IQCE: variants seen among roughly 807,000 people sequenced by gnomAD.
IQCE encodes the protein IQ domain-containing protein E.
In IQCE, 115 loss-of-function variants were observed where a neutral mutation model predicts 96.0. The observed-to-expected ratio is 1.20, with a 90% CI of 1.03 to 1.40. The LOEUF (loss-of-function observed/expected upper bound fraction) is 1.40, where lower values mean the gene tolerates loss of function less well. Ranked by LOEUF, IQCE falls within the 40% of genes most tolerant of loss-of-function variation. The pLI, the probability that IQCE is intolerant of heterozygous loss-of-function variation, is 0.00. For synonymous variants in IQCE, 412 were observed against 371.2 expected, an observed-to-expected ratio of 1.11 and a Z score of -1.26; for missense variants, 1,041 against 909.1, an observed-to-expected ratio of 1.15 and a Z score of -1.87.
intron 1 of IQCE, among the ~76,000 whole-genome samples, chr7:2,563,327 G>C (rs967614338): frequency 6.6e-6 from 1 of 151,634 alleles, no homozygotes; most frequent in Middle Eastern, 3.2e-3. Flanking sequence ...CTCCTGTGTA[G>C]TTGGGACCAC....
chr7:2,567,603 G>A (rs966784392), intron 2 of IQCE, among the ~76,000 whole-genome samples: 1 of 152,262 alleles, frequency 6.6e-6, no homozygotes, highest in Non-Finnish European at 1.5e-5. Context: ...GTGTCCGATG[G>A]CCCAGTGGCA....
chr7:2,573,797 T>C (rs1781929330), intron 6 of IQCE, among the ~76,000 whole-genome samples: 1 of 152,224 alleles, frequency 6.6e-6, no homozygotes, highest in African/African-American at 2.4e-5. Flanking sequence ...GATTGGGTAC[T>C]GTGATAAGGT....
At chr7:2,600,822 C>T (rs778353263) in intron 17 of IQCE, among the ~76,000 whole-genome samples, 7 of 152,204 alleles carry the variant, frequency 4.6e-5, no homozygotes, top group Non-Finnish European at 1.0e-4. Flanking sequence ...AACTTGGCAT[C>T]AACATCTGGG....
chr7:2,607,341 T>C lies in IQCE; in HGVS notation c.1969+114T>C, dbSNP rs1562687333. 5 of 1,482,004 alleles carry C rather than the reference T, an allele frequency of 3.4e-6. No individual in the cohort carries two copies. The East Asian group carries it at 1.3e-4, about 38-fold the overall frequency. The allele number at this position is 1,482,004 out of a possible 1,614,324, so 91.8% of individuals were successfully genotyped here. A position where few individuals can be genotyped will look rare whatever the true frequency, so the allele number is the denominator to read the frequency against. On this transcript the variant is annotated intron_variant, in intron 21 of 21. Transcript: ENST00000402050. ...TGTGTCGGGACGGAAGGGAGGAGTG[T>C]CCCATCTGGAGCTGCCTCTGAACTA...
chr7:2,596,161 C>T (rs566910260), intron 16 of IQCE, among the ~76,000 whole-genome samples: 6 of 152,206 alleles, frequency 3.9e-5, no homozygotes, highest in African/African-American at 9.6e-5. Context: ...CGGGAGGCAG[C>T]GGTGGGAAGA....
chr7:2,574,458 C>T (rs1277711557), intron 6 of IQCE, among the ~76,000 whole-genome samples: 12 of 152,206 alleles, frequency 7.9e-5, no homozygotes, highest in African/African-American at 1.4e-4. Flanking sequence ...GCTCTAACCA[C>T]GAGAGCTGTC....
rs964764353 is a variant in IQCE at position 2,559,319 on chromosome 7, G to T, written c.36+102G>T. The T allele has an allele frequency of 8.7e-5, 51 of 587,458 alleles. No homozygotes were observed. In the African/African-American group the frequency reaches 9.7e-4, roughly 11 times the overall value. 36.4% of individuals were successfully genotyped at this position (587,458 alleles called of 1,614,324 possible). Reference sequence around the variant, plus strand: ...GGCCCCGCGCAGGGGCCGGCCCGGGGCGTGAGGACGGGGCGCACGGCCGGG... The same window carrying T: ...GGCCCCGCGCAGGGGCCGGCCCGGGTCGTGAGGACGGGGCGCACGGCCGGG... On this transcript the variant is annotated intron_variant, in intron 1 of 21. Transcript: ENST00000402050.
chr7:2,609,897 G>T lies in IQCE; in HGVS notation c.1970-147G>T. The stretch of plus-strand genomic sequence containing the variant: ...TCTGGCAGGTGTGTGAGTTGCTCCT[G>T]AGGGCCTGTGTGCCCCATGGCTTAC... On this transcript the variant is annotated intron_variant, in intron 21 of 21. Transcript: ENST00000402050. The T allele has an allele frequency of 4.9e-6, 3 of 612,654 alleles. No homozygotes were observed. In the South Asian group the frequency reaches 5.8e-5, roughly 12 times the overall value. The allele number at this position is 612,654 out of a possible 1,614,324, so 38.0% of individuals were successfully genotyped here.
chr7:2,606,671 C>T (rs538799656), intron 20 of IQCE, among the ~76,000 whole-genome samples: 5 of 152,114 alleles, frequency 3.3e-5, no homozygotes, highest in South Asian at 2.1e-4. Flanking sequence ...CCTCCAAGGC[C>T]GCATCTGCAT....
intron 1 of IQCE, among the ~76,000 whole-genome samples, chr7:2,563,488 G>A (rs983596129): frequency 1.3e-5 from 2 of 151,980 alleles, no homozygotes; most frequent in African/African-American, 4.8e-5. Flanking sequence ...GATTACAGGT[G>A]TGAGCCACCA....
rs1303435944 is a variant in IQCE, at chr7:2,596,519, G to C, written c.1440+1543G>C. On this transcript the variant is annotated intron_variant, in intron 16 of 21. Transcript: ENST00000402050. ...ATTTCTATTTTAGAGAAAAGGAAGA[G>C]TGGGATTAATTGAGTGATCAGCTCT... Among the ~76,000 whole-genome samples the C allele has an allele frequency of 1.3e-5, 2 of 152,006 alleles. 1 individual carries two copies. Among genetic ancestry groups the C allele is most frequent in the Admixed American group, 1.3e-4 (2 of 15,264 alleles).
In IQCE at chr7:2,568,949, T is replaced by C. The variant is rs775609832; in HGVS notation, c.85-5T>C. 1.9e-5 allele frequency: 31 copies of C among 1,612,506 alleles called. No individual in the cohort carries two copies. The highest frequency in any genetic ancestry group is 2.6e-5 in the Non-Finnish European group (31 of 1,179,872). On this transcript the variant is annotated splice_region_variant and splice_polypyrimidine_tract_variant and intron_variant, in intron 2 of 21. Coordinates refer to ENST00000402050, the MANE Select transcript of IQCE (RefSeq NM_152558.5). Reference sequence around the variant, plus strand: ...AAGCCTTATGCCATTTCTTCTTTCTTTCAGAAAGCAAAAAGGAAAGCTTTC... The same window carrying C: ...AAGCCTTATGCCATTTCTTCTTTCTCTCAGAAAGCAAAAAGGAAAGCTTTC...
Position 2,578,231 on chromosome 7 carries a change from G to C in IQCE, c.466-11G>C, listed in dbSNP as rs752514546. 1.2e-4 allele frequency: 191 copies of C among 1,606,548 alleles called. No individual in the cohort carries two copies. Among genetic ancestry groups the C allele is most frequent in the African/African-American group, 9.6e-4 (72 of 74,770 alleles). Reference sequence around the variant, plus strand: ...GTGTGGATGGCTGTGCATGGCCCTTGTTTTCTTCAGTCATTGCACGTGCAG... The same window carrying C: ...GTGTGGATGGCTGTGCATGGCCCTTCTTTTCTTCAGTCATTGCACGTGCAG... On this transcript the variant is annotated splice_polypyrimidine_tract_variant and intron_variant, in intron 6 of 21. Coordinates refer to ENST00000402050, the MANE Select transcript of IQCE (RefSeq NM_152558.5).
chr7:2,571,587 G>A lies in IQCE; in HGVS notation c.192G>A (p.Gly64=). ...CCTGGAGGTCCCTCAGGACGGCAGGGAGCATGCCTCTGGGCGGCCGAGCGT... is the reference window on the plus strand; with the variant it reads ...CCTGGAGGTCCCTCAGGACGGCAGGAAGCATGCCTCTGGGCGGCCGAGCGT... The part of the protein sequence containing the change: ...VASWRSLRTA[G]SMPLGGRASL... Residue 64 remains glycine (G), a synonymous_variant, in exon 4 of 22, where the codon GGG becomes GGA. Transcript: ENST00000402050. The A allele has an allele frequency of 6.2e-7, 1 of 1,603,922 alleles. No individual in the cohort carries two copies. Among genetic ancestry groups the A allele is most frequent in the Non-Finnish European group, 8.5e-7 (1 of 1,179,950 alleles).
At position 2,607,196 on chromosome 7, in the gene IQCE, C is replaced by G; in HGVS notation, c.1938C>G (p.Ala646=). The G allele has an allele frequency of 6.2e-7, 1 of 1,613,748 alleles. No homozygotes were observed. Among genetic ancestry groups the G allele is most frequent in the Non-Finnish European group, 8.5e-7 (1 of 1,179,798 alleles). The change falls in exon 21 of 22, where the codon GCC becomes GCG. Residue 646 remains alanine, a synonymous_variant. Coordinates refer to ENST00000402050, the MANE Select transcript of IQCE (RefSeq NM_152558.5). ...RRSASATHGD[A]SSPPFLAALP... is the part of the protein sequence containing the mutation. ...CGGCTTCAGCCACACACGGGGACGC[C>G]TCCTCCCCACCCTTCCTCGCAGCTC...
At chr7:2,560,720 G>C (rs1337902495) in intron 1 of IQCE, among the ~76,000 whole-genome samples, 1 of 152,026 alleles carries the variant, frequency 6.6e-6, no homozygotes, top group Non-Finnish European at 1.5e-5. Flanking sequence ...CACTTTGGGA[G>C]GCTGAGGTGG....
intron 6 of IQCE, among the ~76,000 whole-genome samples, chr7:2,574,540 G>A (rs1484883347): frequency 6.6e-6 from 1 of 152,244 alleles, no homozygotes; most frequent in Non-Finnish European, 1.5e-5. Context: ...GGTGGCAGCT[G>A]TGTGTCGGGG....
chr7:2,595,941 C>T (rs1784005076), intron 16 of IQCE, among the ~76,000 whole-genome samples: 1 of 152,078 alleles, frequency 6.6e-6, no homozygotes, highest in Admixed American at 6.6e-5. Context: ...ATGGCCGGCG[C>T]TGCCTGCACT....
chr7:2,595,172 A>G (rs559903967), intron 16 of IQCE, among the ~76,000 whole-genome samples, 196 bp downstream of exon 16: 125 of 152,344 alleles, frequency 8.2e-4, no homozygotes, highest in Non-Finnish European at 1.3e-3. Flanking sequence ...ACTGTCAGCA[A>G]ATTGACTTCT....
Sources: gnomAD v4.1 joint callset for allele counts (sites outside exome capture counted in the v4.1 genomes callset) on GRCh38, gnomAD v4.1.1 for gene constraint, MANE v1.5 for transcripts, NCBI Gene and HGNC (gene_info 2026-07-23, HGNC 2026-07-21) for gene names.